NSFL1C: variants seen among roughly 807,000 people sequenced by gnomAD.
NSFL1C encodes NSFL1 cofactor.
In NSFL1C, 14 loss-of-function variants were observed where a neutral mutation model predicts 43.1. The observed-to-expected ratio is 0.32, with a 90% CI of 0.21 to 0.51. The LOEUF (loss-of-function observed/expected upper bound fraction) is 0.51, where lower values mean the gene tolerates loss of function less well. Ranked by LOEUF, NSFL1C falls within the 20% of genes least tolerant of loss-of-function variation. The probability of loss-of-function intolerance (pLI) is 0.98; values close to 1 mark genes in which losing one functional copy is unlikely to be tolerated. For missense variants in NSFL1C, 406 were observed against 472.5 expected, an observed-to-expected ratio of 0.86 and a Z score of 1.30; for synonymous variants, 171 against 183.5, an observed-to-expected ratio of 0.93 and a Z score of 0.55.
chr20:1,456,159 CACAGGCCCCG>C (rs2090295614), intron 3 of NSFL1C: 1 of 189,676 alleles, frequency 5.3e-6, no homozygotes, highest in African/African-American at 2.3e-5. Flanking sequence ...GAGGCAAAGC[CACAGGCCCCG>C]ACAAGGACAA....
At chr20:1,466,193 G>A (rs1183950267) in intron 1 of NSFL1C, among the ~76,000 whole-genome samples, 1 of 152,144 alleles carries the variant, frequency 6.6e-6, no homozygotes, top group African/African-American at 2.4e-5. Context: ...ATTTCCACGA[G>A]ACTCCCATTT....
In NSFL1C at chr20:1,442,249, C is replaced by T. The variant is rs2089964310; in HGVS notation, c.*1500G>A. On this transcript the variant is annotated 3_prime_UTR_variant, in exon 9 of 9. Transcript: ENST00000216879. Reference sequence around the variant, plus strand: ...CCATATGTAGGTTCCATAATCTCCACCTGCTGGAGAAAACACCGTGACAGA... The same window carrying T: ...CCATATGTAGGTTCCATAATCTCCATCTGCTGGAGAAAACACCGTGACAGA... The T allele has an allele frequency of 6.6e-6, 1 of 152,250 alleles. No homozygotes were observed. The highest frequency in any genetic ancestry group is 2.4e-5 in the African/African-American group (1 of 41,458). 9.4% of individuals were successfully genotyped at this position (152,250 alleles called of 1,614,324 possible). A position where few individuals can be genotyped will look rare whatever the true frequency, so the allele number is the denominator to read the frequency against.
chr20:1,455,249 T>A, intron 3 of NSFL1C, 117 bp from the exon 4 acceptor site: 1 of 1,211,858 alleles, frequency 8.3e-7, no homozygotes, highest in Non-Finnish European at 1.2e-6. Context: ...TTTAAAGAAT[T>A]TACTGGCTAG....
At position 1,445,665 on chromosome 20, in the gene NSFL1C, C is replaced by A. The variant is rs1285186195; in HGVS notation, c.950+1G>T. 1.2e-6 allele frequency: 2 copies of A among 1,612,182 alleles called. No homozygotes were observed. Among genetic ancestry groups the A allele is most frequent in the Non-Finnish European group, 1.7e-6 (2 of 1,179,804 alleles). On this transcript the variant is annotated splice_donor_variant, in intron 8 of 8. Coordinates refer to ENST00000216879, the MANE Select transcript of NSFL1C (RefSeq NM_016143.5). LOFTEE classifies it high-confidence loss of function. ...AAGCTAGGCCACACAATGCAAGGTA[C>A]CTGTGGCTGTGGTTAAATTTCTGCA...
intron 1 of NSFL1C, among the ~76,000 whole-genome samples, chr20:1,466,432 G>A (rs1253444687): frequency 6.6e-6 from 1 of 152,208 alleles, no homozygotes; most frequent in Non-Finnish European, 1.5e-5. Context: ...GCCCCCAGGC[G>A]CTCCCTCTCC....
Position 1,464,384 on chromosome 20 carries a change from T to C in NSFL1C, c.148A>G (p.Ile50Val), listed in dbSNP as rs997638181. Reference sequence around the variant, plus strand: ...GGGGTTGCCTGCGAAATGGTCACAATGTCTTCATCCCCTCCGTCCTCATAA... The same window carrying C: ...GGGGTTGCCTGCGAAATGGTCACAACGTCTTCATCCCCTCCGTCCTCATAA... Reference protein sequence around the residue: ...SFYEDGGDEDIVTISQATPSS... With the variant: ...SFYEDGGDEDVVTISQATPSS... Residue 50 changes from isoleucine to valine, a missense_variant, in exon 2 of 9, where the codon ATT (isoleucine) becomes GTT (valine). Coordinates refer to ENST00000216879, the MANE Select transcript of NSFL1C (RefSeq NM_016143.5). The C allele has an allele frequency of 4.3e-6, 7 of 1,614,150 alleles. No individual in the cohort carries two copies. The East Asian group carries it at 8.9e-5, about 21-fold the overall frequency.
chr20:1,452,045 C>T (rs1208860694), intron 7 of NSFL1C, among the ~76,000 whole-genome samples: 1 of 152,178 alleles, frequency 6.6e-6, no homozygotes, highest in Non-Finnish European at 1.5e-5. Flanking sequence ...ATTTCTTATT[C>T]CCCTTGGAAT....
intron 3 of NSFL1C, chr20:1,455,862 CTG>C (rs1417983581): frequency 1.4e-6 from 1 of 711,726 alleles, no homozygotes; most frequent in East Asian, 2.6e-5. Flanking sequence ...GTGACACACA[CTG>C]TGGCCCCTGA....
intron 7 of NSFL1C, among the ~76,000 whole-genome samples, chr20:1,448,650 C>T: frequency 6.6e-6 from 1 of 152,186 alleles, no homozygotes; most frequent in East Asian, 1.9e-4. Flanking sequence ...ATGAGGCACC[C>T]ATTCCTAAGC....
intron 6 of NSFL1C, 69 bp downstream of exon 6, chr20:1,452,962 C>T: frequency 3.5e-6 from 3 of 862,796 alleles, no homozygotes; most frequent in Non-Finnish European, 6.0e-6. Context: ...AATAAACATT[C>T]TGCCTCCTCC....
intron 2 of NSFL1C, chr20:1,463,515 T>C (rs2090454392): frequency 6.6e-6 from 1 of 152,246 alleles, no homozygotes; most frequent in African/African-American, 2.4e-5. Flanking sequence ...GGAGGAAATA[T>C]ATTTTAAACC....
chr20:1,462,576 C>T (rs538613249), intron 2 of NSFL1C, among the ~76,000 whole-genome samples: 1 of 151,420 alleles, frequency 6.6e-6, no homozygotes, highest in East Asian at 1.9e-4. Context: ...GGCTGGAGTG[C>T]AGTGGCGCAA....
At chr20:1,444,092 A>G (rs2090007546) in intron 8 of NSFL1C, among the ~76,000 whole-genome samples, 181 bp from the exon 9 acceptor site, 1 of 152,092 alleles carries the variant, frequency 6.6e-6, no homozygotes, top group South Asian at 2.1e-4. Flanking sequence ...TGTTGTTTCC[A>G]TTTTCCTTGA....
intron 2 of NSFL1C, 83 bp downstream of exon 2, chr20:1,464,246 C>T: frequency 8.2e-7 from 1 of 1,213,346 alleles, no homozygotes; most frequent in Non-Finnish European, 1.2e-6. Context: ...TCCACACACC[C>T]AGGCCTGAAC....
At chr20:1,465,677 A>G (rs948734197) in intron 1 of NSFL1C, among the ~76,000 whole-genome samples, 6 of 152,148 alleles carry the variant, frequency 3.9e-5, no homozygotes, top group African/African-American at 1.4e-4. Context: ...CTGTGCTTCC[A>G]ATTCCTCATC....
rs112261215 is a variant in NSFL1C, at chr20:1,462,397, C to G, written c.203+1932G>C. 3.2e-4 allele frequency among the ~76,000 whole-genome samples: 48 copies of G among 152,330 alleles called. No homozygotes were observed. In the East Asian group the frequency reaches 4.2e-3, roughly 13 times the overall value. On this transcript the variant is annotated intron_variant, in intron 2 of 8. Coordinates refer to ENST00000216879, the MANE Select transcript of NSFL1C (RefSeq NM_016143.5). Reference sequence around the variant, plus strand: ...TTCTTGTCTTCAGTTCTTTTCTAAGCCTACTACCAAGTCTGAGCCTTAACC... The same window carrying G: ...TTCTTGTCTTCAGTTCTTTTCTAAGGCTACTACCAAGTCTGAGCCTTAACC...
In NSFL1C at chr20:1,453,094, T is replaced by C. The variant is rs1367355096; in HGVS notation, c.584A>G (p.Asn195Ser). ...KLWKSGFSLD[N>S]GELRSYQDPS... is the part of the protein sequence containing the mutation. Reference sequence around the variant, plus strand: ...GTCTTGGTAGCTTCTGAGTTCTCCATTATCCAGGCTGAATCCACTCTTCCA... The same window carrying C: ...GTCTTGGTAGCTTCTGAGTTCTCCACTATCCAGGCTGAATCCACTCTTCCA... The change falls in exon 6 of 9, where the codon AAT becomes AGT. Residue 195 changes from asparagine to serine, a missense_variant. Asn to Ser is a conservative substitution (Grantham distance 46, BLOSUM62 1). Coordinates refer to ENST00000216879, the MANE Select transcript of NSFL1C (RefSeq NM_016143.5). The C allele has an allele frequency of 6.2e-7, 1 of 1,613,408 alleles. No homozygotes were observed. Among genetic ancestry groups the C allele is most frequent in the Admixed American group, 1.7e-5 (1 of 60,020 alleles).
chr20:1,466,156 C>G (rs1163193518), intron 1 of NSFL1C, among the ~76,000 whole-genome samples: 1 of 152,248 alleles, frequency 6.6e-6, no homozygotes, highest in Admixed American at 6.5e-5. Context: ...AGTGAATACT[C>G]AGTACGTGCC....
chr20:1,454,430 T>A, intron 4 of NSFL1C, 125 bp from the exon 5 acceptor site: 1 of 670,896 alleles, frequency 1.5e-6, no homozygotes. Flanking sequence ...TCAAGCTTGT[T>A]AGCTACTAGA....
Sources: allele counts gnomAD v4.1 joint callset (sites outside exome capture counted in the v4.1 genomes callset), GRCh38; gene constraint gnomAD v4.1.1; transcripts MANE v1.5; gene names NCBI Gene and HGNC (gene_info 2026-07-23, HGNC 2026-07-21).